The following AHCTF1 variants were observed in gnomAD, a reference collection of about 807,000 sequenced individuals.
The protein encoded by AHCTF1 is protein ELYS.
AHCTF1 carries 24 observed loss-of-function variants against 248.4 expected under a neutral mutation model. The observed-to-expected ratio is 0.10, with a 90% CI of 0.07 to 0.14. The LOEUF is 0.14. Ranked by LOEUF, AHCTF1 falls within the 10% of genes least tolerant of loss-of-function variation. The pLI, the probability that AHCTF1 is intolerant of heterozygous loss-of-function variation, is 1.00. For synonymous variants in AHCTF1, 786 were observed against 929.8 expected (o/e 0.85, Z 2.81); for missense variants, 2,206 against 2,636.2 (o/e 0.84, Z 3.57).
chr1:246,928,647 T>TA (rs1667119149), intron 1 of AHCTF1, among the ~76,000 whole-genome samples: 2 of 152,192 alleles, frequency 1.3e-5, no homozygotes, highest in Admixed American at 6.6e-5. Context: ...CAGAATACTA[T>TA]AAATCAGTTT....
In AHCTF1 at chr1:246,849,730, T is replaced by C; in HGVS notation, c.6276A>G (p.Lys2092=). 1 of 1,613,988 alleles carries C rather than the reference T, an allele frequency of 6.2e-7. No homozygotes were observed. The highest frequency in any genetic ancestry group is 8.5e-7 in the Non-Finnish European group (1 of 1,179,874). The stretch of plus-strand genomic sequence containing the variant: ...ACCGAGTCCTGCTGCTGCGGGATGA[T>C]TTAGTGAAGGAAGCTGTGGCGAGCA... ...ERLLATASFT[K]SSRSSRTRSS... is the part of the protein sequence containing the mutation. The change falls in exon 33 of 36, where the codon AAA becomes AAG. Residue 2092 remains lysine, a synonymous_variant. Transcript: ENST00000648844.
chr1:246,885,408 T>C lies in AHCTF1; in HGVS notation c.2660+85A>G. On this transcript the variant is annotated intron_variant, in intron 21 of 35. Coordinates refer to ENST00000648844, the MANE Select transcript of AHCTF1 (RefSeq NM_001323342.2). ...CTGACTTTACTGACTTAACGGCCAA[T>C]TGTATATTGCCACTGTCTATCTCAT... 11 of 1,172,534 alleles carry C rather than the reference T, an allele frequency of 9.4e-6. No individual in the cohort carries two copies. In the South Asian group the frequency reaches 1.8e-4, roughly 19 times the overall value. The allele number at this position is 1,172,534 out of a possible 1,614,324, so 72.6% of individuals were successfully genotyped here.
chr1:246,924,379 T>A (rs1217033998), intron 1 of AHCTF1, among the ~76,000 whole-genome samples: 1 of 152,176 alleles, frequency 6.6e-6, no homozygotes, highest in Non-Finnish European at 1.5e-5. Flanking sequence ...TCACAAAACA[T>A]TAGTGCCGTT....
intron 32 of AHCTF1, 85 bp from the exon 33 acceptor site, chr1:246,851,527 G>C: frequency 1.6e-6 from 2 of 1,219,066 alleles, no homozygotes; most frequent in Non-Finnish European, 2.3e-6. Context: ...ATGACCCTTG[G>C]CTGTGTGCCT....
chr1:246,899,520 A>G lies in AHCTF1; in HGVS notation c.1433-8T>C, dbSNP rs756032571. Reference sequence around the variant, plus strand: ...TTAACAAACAAGTGGCATCTAAAAAAAAGATTTAAAAAATAATCCACTTAC... The same window carrying G: ...TTAACAAACAAGTGGCATCTAAAAAGAAGATTTAAAAAATAATCCACTTAC... On this transcript the variant is annotated splice_polypyrimidine_tract_variant and splice_region_variant and intron_variant, in intron 10 of 35. Coordinates refer to ENST00000648844, the MANE Select transcript of AHCTF1 (RefSeq NM_001323342.2). The G allele has an allele frequency of 2.5e-6, 4 of 1,604,538 alleles. No individual in the cohort carries two copies. In the East Asian group the frequency reaches 9.0e-5, roughly 36 times the overall value.
intron 24 of AHCTF1, among the ~76,000 whole-genome samples, chr1:246,868,778 C>G (rs1223677853): frequency 1.3e-5 from 2 of 151,716 alleles, no homozygotes; most frequent in African/African-American, 4.8e-5. Flanking sequence ...TAAAAAAGTA[C>G]CACGTGATGA....
At chr1:246,858,695 C>T (rs774016842) in intron 29 of AHCTF1, among the ~76,000 whole-genome samples, 4 of 151,604 alleles carry the variant, frequency 2.6e-5, no homozygotes, top group Admixed American at 6.6e-5. Flanking sequence ...CATGGTGGCA[C>T]GTGCCTGTAA....
At chr1:246,887,816 C>T (rs917183823) in intron 19 of AHCTF1, among the ~76,000 whole-genome samples, 7 of 152,120 alleles carry the variant, frequency 4.6e-5, no homozygotes, top group Admixed American at 2.6e-4. Context: ...GGTAGTATCA[C>T]GCTAACTTAT....
chr1:246,883,157 G>A (rs565448434), intron 21 of AHCTF1, among the ~76,000 whole-genome samples: 11 of 152,300 alleles, frequency 7.2e-5, no homozygotes, highest in Admixed American at 4.6e-4. Flanking sequence ...GTGAGTCCGG[G>A]GAGAGTGTTA....
chr1:246,924,710 T>C lies in AHCTF1; in HGVS notation c.-7-6333A>G, dbSNP rs963586526. On this transcript the variant is annotated intron_variant, in intron 1 of 35. Transcript: ENST00000648844. ...TGTTCAGGCTATAAATGCTATCTCC[T>C]AGACAAAAACTTGATGGACTGCCTC... 8.5e-5 allele frequency among the ~76,000 whole-genome samples: 13 copies of C among 152,316 alleles called. 1 individual carries two copies. The highest frequency in any genetic ancestry group is 3.1e-4 in the African/African-American group (13 of 41,584).
chr1:246,918,152 T>A (rs1666276298), intron 2 of AHCTF1, 98 bp downstream of exon 2: 2 of 1,161,816 alleles, frequency 1.7e-6, no homozygotes, highest in Non-Finnish European at 2.2e-6. Context: ...CAGGTTCTGC[T>A]TTTTCTTCTT....
chr1:246,867,286 A>C lies in AHCTF1; in HGVS notation c.3305T>G (p.Phe1102Cys). 6.2e-7 allele frequency: 1 copy of C among 1,604,246 alleles called. No homozygotes were observed. The highest frequency in any genetic ancestry group is 8.5e-7 in the Non-Finnish European group (1 of 1,175,318). ...TGCTTTTGAAATTGGTGTTCCAAAA[A>C]ATGCCTCAGGCAGCTCTGGAGCTGG... ...SLPAPELPEAFFGTPISKASQ... is the reference protein window; with the variant it reads ...SLPAPELPEACFGTPISKASQ... Residue 1102 changes from phenylalanine (F) to cysteine (C), a missense_variant, in exon 26 of 36, where the codon TTT (phenylalanine) becomes TGT (cysteine). Coordinates refer to ENST00000648844, the MANE Select transcript of AHCTF1 (RefSeq NM_001323342.2).
At position 246,888,390 on chromosome 1, in the gene AHCTF1, C is replaced by T. The variant is rs1258658448; in HGVS notation, c.2268+4G>A. 6.2e-7 allele frequency: 1 copy of T among 1,612,802 alleles called. No homozygotes were observed. The highest frequency in any genetic ancestry group is 8.5e-7 in the Non-Finnish European group (1 of 1,179,960). ...TAAATGATAGCACATTACTGCAAAC[C>T]TACATGCAGACTAGCAGGAGGATAT... On this transcript the variant is annotated splice_donor_region_variant and intron_variant, in intron 18 of 35. Transcript: ENST00000648844.
intron 24 of AHCTF1, among the ~76,000 whole-genome samples, chr1:246,875,369 A>G (rs1474691400): frequency 1.3e-5 from 2 of 152,232 alleles, no homozygotes; most frequent in Non-Finnish European, 2.9e-5. Flanking sequence ...CTTAGAAGCC[A>G]AATAATAAAA....
At position 246,869,712 on chromosome 1, in the gene AHCTF1, GA is replaced by G. The variant is rs113491073; in HGVS notation, c.3089-1902del. Among the ~76,000 whole-genome samples, 1,072 of 143,360 alleles carry G rather than the reference GA, an allele frequency of 7.5e-3. 13 individuals are homozygous for G. The highest frequency in any genetic ancestry group is 7.6e-3 in the Non-Finnish European group (494 of 65,028). The allele number at this position is 143,360 out of a possible 152,430, so 94.0% of individuals were successfully genotyped here. ...TAAGCCTACTGTTGAGAACTGTTCA[GA>G]AAAAAAAAAAAGTCTTTTCAAATAT... On this transcript the variant is annotated intron_variant, in intron 24 of 35. Coordinates refer to ENST00000648844, the MANE Select transcript of AHCTF1 (RefSeq NM_001323342.2).
At chr1:246,904,112 G>C in intron 6 of AHCTF1, 79 bp from the exon 7 acceptor site, 1 of 1,279,412 alleles carries the variant, frequency 7.8e-7, no homozygotes, top group East Asian at 2.4e-5. Flanking sequence ...AGTTTAGTTT[G>C]CTTGCAATGT....
chr1:246,841,151 T>C (rs1352787133), intron 35 of AHCTF1, among the ~76,000 whole-genome samples, 153 bp from the exon 36 acceptor site: 1 of 152,206 alleles, frequency 6.6e-6, no homozygotes, highest in Non-Finnish European at 1.5e-5. Flanking sequence ...AGTGAAGCTT[T>C]AAGTCATATA....
At position 246,918,329 on chromosome 1, in the gene AHCTF1, T is replaced by C. The variant is rs1334085613; in HGVS notation, c.42A>G (p.Pro14=). ...GGGCTTGAAGAGTCACTTCTGGAAA[T>C]GGCAGGAGACCACTAGTCACTTGAG... ...LRAQVTSGLL[P]FPEVTLQALG... Residue 14 remains proline (P), a synonymous_variant, in exon 2 of 36, where the codon CCA becomes CCG. Coordinates refer to ENST00000648844, the MANE Select transcript of AHCTF1 (RefSeq NM_001323342.2). 1.2e-6 allele frequency: 2 copies of C among 1,613,044 alleles called. No homozygotes were observed. Among genetic ancestry groups the C allele is most frequent in the Non-Finnish European group, 8.5e-7 (1 of 1,179,698 alleles).
intron 11 of AHCTF1, among the ~76,000 whole-genome samples, chr1:246,899,006 T>C (rs969273336): frequency 6.6e-6 from 1 of 152,164 alleles, no homozygotes; most frequent in African/African-American, 2.4e-5. Context: ...GAAGAATCAC[T>C]TGAACCTGGG....
Sources: allele counts gnomAD v4.1 joint callset (sites outside exome capture counted in the v4.1 genomes callset), GRCh38; gene constraint gnomAD v4.1.1; transcripts MANE v1.5; gene names NCBI Gene and HGNC (gene_info 2026-07-23, HGNC 2026-07-21).